Variants in SHANK2 observed in about 807,000 individuals in gnomAD.
SHANK2 encodes the protein SH3 and multiple ankyrin repeat domains protein 2.
A neutral mutation model predicts 133.7 loss-of-function variants in SHANK2; 43 were observed. The ratio of observed to expected loss-of-function variants is 0.32; its 90% CI spans 0.25 to 0.41. The LOEUF is 0.41. SHANK2 is among the 10% of genes least tolerant of loss of function. The pLI is 1.00. For synonymous variants in SHANK2, 1,017 were observed against 952.8 expected (o/e 1.07, Z -1.24); for missense variants, 1,994 against 2,235.8 (o/e 0.89, Z 2.18).
At position 70,898,322 on chromosome 11, in the gene SHANK2, G is replaced by A. The variant is rs200397763; in HGVS notation, c.1108-1755C>T. Among the ~76,000 whole-genome samples the A allele has an allele frequency of 4.8e-5, 6 of 125,920 alleles. No homozygotes were observed. In the South Asian group the frequency reaches 1.4e-3, roughly 29 times the overall value. The allele number at this position is 125,920 out of a possible 152,430, so 82.6% of individuals were successfully genotyped here. ...CACACACACACACACATATATATAT[G>A]TGTATATATATATATGTATACATTT... On this transcript the variant is annotated intron_variant, in intron 10 of 25. Coordinates refer to ENST00000601538, the MANE Select transcript of SHANK2 (RefSeq NM_012309.5).
At chr11:70,527,315 T>G (rs2059412098) in intron 17 of SHANK2, among the ~76,000 whole-genome samples, 1 of 152,174 alleles carries the variant, frequency 6.6e-6, no homozygotes, top group Admixed American at 6.5e-5. Context: ...GCTGACCCCT[T>G]CTGGGGCCGG....
At chr11:70,516,510 T>TTA (rs2059268308) in intron 17 of SHANK2, among the ~76,000 whole-genome samples, 1 of 152,186 alleles carries the variant, frequency 6.6e-6, no homozygotes, top group South Asian at 2.1e-4. Flanking sequence ...ACTATGACAC[T>TTA]TCTAGAAGAT....
intron 3 of SHANK2, among the ~76,000 whole-genome samples, chr11:71,126,149 A>G (rs1248907484): frequency 1.6e-5 from 2 of 125,356 alleles, no homozygotes; most frequent in African/African-American, 5.8e-5. Context: ...ACCCAGGAAC[A>G]GGATGTTGCA....
At chr11:71,077,319 C>T (rs1565437977) in intron 8 of SHANK2, among the ~76,000 whole-genome samples, 1 of 152,236 alleles carries the variant, frequency 6.6e-6, no homozygotes, top group South Asian at 2.1e-4. Flanking sequence ...CATTATTCCC[C>T]TTCCCCCGGT....
intron 6 of SHANK2, among the ~76,000 whole-genome samples, chr11:71,105,824 G>C (rs1462702454): frequency 6.6e-6 from 1 of 152,124 alleles, no homozygotes; most frequent in Non-Finnish European, 1.5e-5. Flanking sequence ...CCTCATGTAA[G>C]CTCCGGACTT....
At chr11:71,225,416 A>T (rs1207141864) in intron 1 of SHANK2, among the ~76,000 whole-genome samples, 1 of 151,750 alleles carries the variant, frequency 6.6e-6, no homozygotes, top group Non-Finnish European at 1.5e-5. Flanking sequence ...TCCTCCTTTC[A>T]CTCCGGCATT....
intron 8 of SHANK2, among the ~76,000 whole-genome samples, chr11:71,080,968 T>C (rs1257725462): frequency 1.3e-5 from 2 of 152,140 alleles, no homozygotes; most frequent in East Asian, 1.9e-4. Flanking sequence ...GCGGGCTGAA[T>C]TGCATCCCTG....
chr11:70,642,470 A>G (rs1555006689), intron 17 of SHANK2, among the ~76,000 whole-genome samples: 3 of 152,216 alleles, frequency 2.0e-5, no homozygotes, highest in Non-Finnish European at 4.4e-5. Flanking sequence ...CCCCATGTGA[A>G]CTGCTTTGGA....
At chr11:70,683,803 A>G (rs1267579594) in intron 15 of SHANK2, among the ~76,000 whole-genome samples, 21 of 144,548 alleles carry the variant, frequency 1.5e-4, no homozygotes, top group Admixed American at 1.3e-3. Flanking sequence ...TTTTTTTTTC[A>G]GACAGAGTCT....
intron 14 of SHANK2, among the ~76,000 whole-genome samples, chr11:70,761,922 GCT>G: frequency 1.3e-5 from 2 of 152,006 alleles, no homozygotes; most frequent in South Asian, 2.1e-4. Context: ...GTTCCCGGCT[GCT>G]GCTGCTGCTG....
At chr11:70,831,856 G>A (rs528462934) in intron 11 of SHANK2, among the ~76,000 whole-genome samples, 2 of 152,318 alleles carry the variant, frequency 1.3e-5, no homozygotes, top group African/African-American at 4.8e-5. Context: ...GGAAAGAGCC[G>A]GACGTGGGAG....
intron 24 of SHANK2, 178 bp downstream of exon 24, chr11:70,489,150 T>TG: frequency 1.5e-6 from 1 of 658,878 alleles, no homozygotes; most frequent in Non-Finnish European, 2.8e-6. Context: ...ATACTCCTTG[T>TG]GGGAGGACAT....
rs201865483 is a variant in SHANK2 at position 70,672,060 on chromosome 11, C to CTTTTT, written c.1854-10387_1854-10383dup. On this transcript the variant is annotated intron_variant, in intron 15 of 25. Transcript: ENST00000601538. ...CAGATCCCCACCATACTTTTCTTTTCTTTTTCTTTTTTTTTTTTTTTTAGA... is the reference window on the plus strand; with the variant it reads ...CAGATCCCCACCATACTTTTCTTTTCTTTTTTTTTTCTTTTTTTTTTTTTTTTAGA... 3.2e-3 allele frequency among the ~76,000 whole-genome samples: 387 copies of CTTTTT among 120,882 alleles called. 6 individuals are homozygous for CTTTTT. The highest frequency in any genetic ancestry group is 0.011 in the African/African-American group (358 of 33,114). 79.3% of individuals were successfully genotyped at this position (120,882 alleles called of 152,430 possible). A position where few individuals can be genotyped will look rare whatever the true frequency, so the allele number is the denominator to read the frequency against.
chr11:70,843,272 A>G (rs1456144951), intron 11 of SHANK2, among the ~76,000 whole-genome samples: 1 of 19,720 alleles, frequency 5.1e-5, no homozygotes, highest in Non-Finnish European at 1.0e-4. Context: ...CTGGGCTGCT[A>G]TGGGGTGGGC....
At chr11:70,917,637 A>C (rs923885967) in intron 10 of SHANK2, among the ~76,000 whole-genome samples, 1 of 152,242 alleles carries the variant, frequency 6.6e-6, no homozygotes, top group Admixed American at 6.5e-5. Flanking sequence ...GGATCAAGAA[A>C]ATGTGGTACA....
intron 17 of SHANK2, among the ~76,000 whole-genome samples, chr11:70,536,691 T>C (rs2059548245): frequency 6.6e-6 from 1 of 152,224 alleles, no homozygotes. Context: ...AGCCAATGTC[T>C]TGGACATTTC....
At chr11:70,644,220 G>C (rs1555007436) in intron 17 of SHANK2, among the ~76,000 whole-genome samples, 3 of 152,126 alleles carry the variant, frequency 2.0e-5, no homozygotes, top group Non-Finnish European at 4.4e-5. Flanking sequence ...GCCAGTTCAT[G>C]GCATTAACTA....
At chr11:70,529,317 C>G (rs895728281) in intron 17 of SHANK2, among the ~76,000 whole-genome samples, 2 of 152,206 alleles carry the variant, frequency 1.3e-5, no homozygotes, top group Non-Finnish European at 1.5e-5. Context: ...AGATGGGAGG[C>G]TGGGCCCAGA....
At chr11:71,059,776 C>T (rs1202589183) in intron 9 of SHANK2, among the ~76,000 whole-genome samples, 1 of 152,200 alleles carries the variant, frequency 6.6e-6, no homozygotes, top group African/African-American at 2.4e-5. Context: ...AAAGGCCGCC[C>T]CGTCTCTGCG....
Sources: gnomAD v4.1 joint callset for allele counts (sites outside exome capture counted in the v4.1 genomes callset) on GRCh38, gnomAD v4.1.1 for gene constraint, MANE v1.5 for transcripts, NCBI Gene and HGNC (gene_info 2026-07-23, HGNC 2026-07-21) for gene names.